The following CDH18 variants were observed in gnomAD, a reference collection of about 807,000 sequenced individuals.
The protein encoded by CDH18 is cadherin 18.
A neutral mutation model predicts 67.9 loss-of-function variants in CDH18; 31 were observed. That is an observed-to-expected ratio of 0.46 (90% CI 0.34 to 0.62). The LOEUF is 0.62. Ranked by LOEUF, CDH18 falls within the 20% of genes least tolerant of loss-of-function variation. The pLI, the probability that CDH18 is intolerant of heterozygous loss-of-function variation, is 0.01. For synonymous variants in CDH18, 362 were observed against 347.2 expected, an observed-to-expected ratio of 1.04 and a Z score of -0.48; for missense variants, 890 against 975.5, an observed-to-expected ratio of 0.91 and a Z score of 1.17.
chr5:20,242,638 A>ATATATATACATATATATATG lies in CDH18; in HGVS notation c.-518+12805_-518+12806insCATATATATATGTATATATA, dbSNP rs1743065808. Reference sequence around the variant, plus strand: ...TATATATATATATATATATATGTATATATATATATATATGTAAATGGACTA... The same window carrying ATATATATACATATATATATG: ...TATATATATATATATATATATGTATATATATATACATATATATATGTATATATATATATGTAAATGGACTA... On this transcript the variant is annotated intron_variant, in intron 2 of 14. Transcript: ENST00000507958. 1.8e-3 allele frequency among the ~76,000 whole-genome samples: 194 copies of ATATATATACATATATATATG among 109,314 alleles called. 22 individuals are homozygous for ATATATATACATATATATATG. The highest frequency in any genetic ancestry group is 9.9e-3 in the African/African-American group (185 of 18,716). 71.7% of individuals were successfully genotyped at this position (109,314 alleles called of 152,430 possible).
At chr5:20,120,458 G>A (rs527664618) in intron 2 of CDH18, among the ~76,000 whole-genome samples, 1 of 152,208 alleles carries the variant, frequency 6.6e-6, no homozygotes, top group African/African-American at 2.4e-5. Context: ...CGGGATTCAA[G>A]TATTTTGTTT....
intron 2 of CDH18, among the ~76,000 whole-genome samples, chr5:20,227,346 C>T (rs1741713326): frequency 6.6e-6 from 1 of 152,026 alleles, no homozygotes. Flanking sequence ...TAATTGTTCC[C>T]ACAGTTTATT....
At chr5:19,865,533 C>T (rs1785389986) in intron 2 of CDH18, among the ~76,000 whole-genome samples, 1 of 152,008 alleles carries the variant, frequency 6.6e-6, no homozygotes, top group Non-Finnish European at 1.5e-5. Flanking sequence ...AGTGTCAGTA[C>T]CCAGGAAGTC....
intron 2 of CDH18, among the ~76,000 whole-genome samples, chr5:20,128,229 C>A (rs1748988320): frequency 1.3e-5 from 2 of 152,000 alleles, no homozygotes; most frequent in South Asian, 4.1e-4. Context: ...CTCCTATTCA[C>A]CTCACGAAGA....
intron 1 of CDH18, among the ~76,000 whole-genome samples, chr5:20,528,703 AAGAG>A: frequency 6.6e-6 from 1 of 152,202 alleles, no homozygotes; most frequent in Non-Finnish European, 1.5e-5. Flanking sequence ...AATGATAACA[AAGAG>A]AGAACATACC....
chr5:20,215,575 C>T (rs2126413303), intron 2 of CDH18, among the ~76,000 whole-genome samples: 1 of 151,940 alleles, frequency 6.6e-6, no homozygotes, highest in South Asian at 2.1e-4. Context: ...GTGGTGATTC[C>T]TCAAAGAGCT....
intron 5 of CDH18, among the ~76,000 whole-genome samples, chr5:19,709,653 G>A (rs1338406667): frequency 7.4e-6 from 1 of 136,004 alleles, no homozygotes; most frequent in Non-Finnish European, 1.6e-5. Context: ...AAAAAGGAGA[G>A]AAAGAGAGAA....
rs562760757 is a variant in CDH18, at chr5:20,343,731, C to T, written c.-579-88226G>A. Among the ~76,000 whole-genome samples the T allele has an allele frequency of 1.1e-4, 16 of 152,284 alleles. No individual in the cohort carries two copies. In the South Asian group the frequency reaches 3.3e-3, roughly 32 times the overall value. ...ACAAAGAGAAAGCCATTAACATTTA[C>T]ACTGATTCCAAGTATGCTTTCCTAG... On this transcript the variant is annotated intron_variant, in intron 1 of 14. Transcript: ENST00000507958.
chr5:20,493,649 C>T (rs969658105), intron 1 of CDH18, among the ~76,000 whole-genome samples: 4 of 152,000 alleles, frequency 2.6e-5, no homozygotes, highest in African/African-American at 9.7e-5. Flanking sequence ...AACTGGGCAT[C>T]TTATATAATT....
At chr5:20,241,734 C>T (rs1396936475) in intron 2 of CDH18, among the ~76,000 whole-genome samples, 1 of 151,392 alleles carries the variant, frequency 6.6e-6, no homozygotes, top group Non-Finnish European at 1.5e-5. Context: ...CGCCTGTAGT[C>T]CCAGCTACTC....
chr5:20,363,089 G>A (rs905676718), intron 1 of CDH18, among the ~76,000 whole-genome samples: 3 of 152,130 alleles, frequency 2.0e-5, no homozygotes, highest in Non-Finnish European at 4.4e-5. Flanking sequence ...TCTCTAGCCT[G>A]GATTGTGTCC....
At chr5:19,595,665 G>T (rs1746055253) in intron 6 of CDH18, among the ~76,000 whole-genome samples, 1 of 152,100 alleles carries the variant, frequency 6.6e-6, no homozygotes, top group Non-Finnish European at 1.5e-5. Context: ...AGACAAAAAT[G>T]TATAATTTTA....
chr5:20,337,920 C>A (rs949769204), intron 1 of CDH18, among the ~76,000 whole-genome samples: 1 of 152,198 alleles, frequency 6.6e-6, no homozygotes, highest in African/African-American at 2.4e-5. Flanking sequence ...AACTCACAAT[C>A]ATGGTTGAAG....
chr5:20,524,542 AGTT>A (rs1755930141), intron 1 of CDH18, among the ~76,000 whole-genome samples: 1 of 152,156 alleles, frequency 6.6e-6, no homozygotes, highest in Non-Finnish European at 1.5e-5. Context: ...GACAATACAT[AGTT>A]GTTTAAGGTT....
chr5:20,550,123 T>C (rs1032280393), intron 1 of CDH18, among the ~76,000 whole-genome samples: 1 of 152,194 alleles, frequency 6.6e-6, no homozygotes, highest in African/African-American at 2.4e-5. Flanking sequence ...ATCCTACCTG[T>C]CACGTTTAAA....
At chr5:20,545,937 C>T (rs561845717) in intron 1 of CDH18, among the ~76,000 whole-genome samples, 2 of 152,306 alleles carry the variant, frequency 1.3e-5, no homozygotes, top group Admixed American at 6.5e-5. Flanking sequence ...TTCAAACCAT[C>T]TCTTTGTGAA....
At chr5:20,552,956 T>C (rs1757718779) in intron 1 of CDH18, among the ~76,000 whole-genome samples, 1 of 152,136 alleles carries the variant, frequency 6.6e-6, no homozygotes, top group Non-Finnish European at 1.5e-5. Context: ...GGTTTCACCA[T>C]GTTGGCCAGG....
chr5:20,124,076 T>C lies in CDH18; in HGVS notation c.-518+131368A>G, dbSNP rs573447482. On this transcript the variant is annotated intron_variant, in intron 2 of 14. Coordinates refer to the CDH18 transcript ENST00000507958. ...ATCATAGTTAATATAGCTGTTCCCA[T>C]GGGGGAAATCAAGTGTGGCTGGATA... Among the ~76,000 whole-genome samples the C allele has an allele frequency of 1.8e-4, 28 of 152,220 alleles. No homozygotes were observed. The South Asian group carries it at 5.0e-3, about 27-fold the overall frequency.
At chr5:20,022,070 T>C (rs571786735) in intron 2 of CDH18, among the ~76,000 whole-genome samples, 1 of 152,222 alleles carries the variant, frequency 6.6e-6, no homozygotes, top group Admixed American at 6.5e-5. Flanking sequence ...AATCACAATG[T>C]GTCTATTGTT....
Sources: gnomAD v4.1 joint callset for allele counts (sites outside exome capture counted in the v4.1 genomes callset) on GRCh38, gnomAD v4.1.1 for gene constraint, MANE v1.5 for transcripts, NCBI Gene and HGNC (gene_info 2026-07-23, HGNC 2026-07-21) for gene names.